CAPSL: variants seen among roughly 807,000 people sequenced by gnomAD.
CAPSL encodes the protein calcyphosin-like protein.
Under a neutral mutation model 21.3 loss-of-function variants are expected in CAPSL, and 17 were observed. That is an observed-to-expected ratio of 0.80 (90% CI 0.55 to 1.20). CAPSL has a LOEUF of 1.20. Ranked by LOEUF, CAPSL falls within the 50% of genes most tolerant of loss-of-function variation. The pLI is 0.00. For synonymous variants in CAPSL, 102 were observed against 89.3 expected, an observed-to-expected ratio of 1.14 and a Z score of -0.80; for missense variants, 289 against 259.3, an observed-to-expected ratio of 1.11 and a Z score of -0.79.
intron 1 of CAPSL, among the ~76,000 whole-genome samples, chr5:35,922,087 C>T (rs909484361): frequency 1.6e-4 from 22 of 137,870 alleles, no homozygotes; most frequent in African/African-American, 4.0e-4. Context: ...AAAAAAAAAA[C>T]GGTATTAGAA....
chr5:35,938,506 A>G (rs1457666178), intron 1 of CAPSL, 35 bp downstream of exon 1: 1 of 152,138 alleles, frequency 6.6e-6, no homozygotes, highest in African/African-American at 2.4e-5. Flanking sequence ...AAAAAAAAAC[A>G]TTAAATCATA....
At chr5:35,923,291 T>A (rs852244) in intron 1 of CAPSL, among the ~76,000 whole-genome samples, 1 of 152,132 alleles carries the variant, frequency 6.6e-6, no homozygotes, top group African/African-American at 2.4e-5. Flanking sequence ...AGCTCCTGGA[T>A]CTGGGACAGA....
chr5:35,924,624 C>T (rs1738625610), intron 1 of CAPSL, among the ~76,000 whole-genome samples: 1 of 152,184 alleles, frequency 6.6e-6, no homozygotes, highest in Non-Finnish European at 1.5e-5. Flanking sequence ...GTAAGCATCC[C>T]TTTTAATCAT....
intron 1 of CAPSL, among the ~76,000 whole-genome samples, chr5:35,924,640 C>T (rs1580892295): frequency 6.6e-6 from 1 of 152,180 alleles, no homozygotes; most frequent in Non-Finnish European, 1.5e-5. Flanking sequence ...ATCATTGAAT[C>T]ACCCAGTTCA....
At chr5:35,937,646 C>T (rs1031995820) in intron 1 of CAPSL, among the ~76,000 whole-genome samples, 36 of 152,216 alleles carry the variant, frequency 2.4e-4, no homozygotes, top group African/African-American at 8.2e-4. Flanking sequence ...TTTGCATTTA[C>T]TATCACCATA....
chr5:35,932,369 C>T (rs1738844703), intron 1 of CAPSL, among the ~76,000 whole-genome samples: 1 of 152,144 alleles, frequency 6.6e-6, no homozygotes, highest in South Asian at 2.1e-4. Context: ...AATATTCCTA[C>T]ATAATAGCCA....
At chr5:35,914,622 C>T (rs1702463093) in intron 2 of CAPSL, among the ~76,000 whole-genome samples, 2 of 151,868 alleles carry the variant, frequency 1.3e-5, no homozygotes, top group South Asian at 2.1e-4. Context: ...GGGTACATAA[C>T]GAAATGAAGG....
chr5:35,920,116 G>A (rs911018052), intron 2 of CAPSL, among the ~76,000 whole-genome samples: 1 of 152,114 alleles, frequency 6.6e-6, no homozygotes, highest in Non-Finnish European at 1.5e-5. Flanking sequence ...CTGAGACTTG[G>A]GACTGTTCAG....
chr5:35,914,015 T>A (rs545197340), intron 2 of CAPSL, among the ~76,000 whole-genome samples: 59 of 152,084 alleles, frequency 3.9e-4, no homozygotes, highest in Non-Finnish European at 7.8e-4. Context: ...TGGAGGAAGA[T>A]CTACCAAGCA....
chr5:35,904,604 C>T lies in CAPSL; in HGVS notation c.568G>A (p.Ala190Thr), dbSNP rs568452046. The change falls in exon 5 of 5, where the codon GCA (alanine) becomes ACA (threonine). Residue 190 changes from alanine (A) to threonine (T), a missense_variant. By Grantham distance (58) the Ala-to-Thr change is moderately conservative. Coordinates refer to ENST00000651391, the MANE Select transcript of CAPSL (RefSeq NM_001042625.2). The stretch of plus-strand genomic sequence containing the variant: ...AAGTACACATCAGTGTCAATGGATG[C>T]GCTCACACCTGCATAGTAGTTCATG... ...EFMNYYAGVS[A>T]SIDTDVYFII... 2.7e-5 allele frequency: 43 copies of T among 1,613,584 alleles called. No homozygotes were observed. The highest frequency in any genetic ancestry group is 1.6e-4 in the East Asian group (7 of 44,860).
intron 1 of CAPSL, among the ~76,000 whole-genome samples, chr5:35,931,532 T>C (rs1172294936): frequency 6.6e-6 from 1 of 152,114 alleles, no homozygotes; most frequent in Non-Finnish European, 1.5e-5. Context: ...TCAGGGGGCA[T>C]TCACTCTCCT....
chr5:35,938,522 G>C lies in CAPSL; in HGVS notation c.-1+19C>G, dbSNP rs1739013119. 6.6e-6 allele frequency: 1 copy of C among 152,550 alleles called. No individual in the cohort carries two copies. The highest frequency in any genetic ancestry group is 1.5e-5 in the Non-Finnish European group (1 of 67,964). The allele number at this position is 152,550 out of a possible 1,614,324, so 9.4% of individuals were successfully genotyped here. A position where few individuals can be genotyped will look rare whatever the true frequency, so the allele number is the denominator to read the frequency against. On this transcript the variant is annotated intron_variant, in intron 1 of 4. Transcript: ENST00000651391. ...AAAAAAAACATTAAATCATAGAATA[G>C]ATAAAAACATTGATTTACCTTAAAT...
chr5:35,916,809 G>A (rs1465184769), intron 2 of CAPSL, among the ~76,000 whole-genome samples: 2 of 152,142 alleles, frequency 1.3e-5, no homozygotes, highest in Non-Finnish European at 2.9e-5. Flanking sequence ...GCATGGGCAA[G>A]GACTTCATGT....
chr5:35,912,133 C>T (rs1298443717), intron 2 of CAPSL, among the ~76,000 whole-genome samples: 1 of 152,198 alleles, frequency 6.6e-6, no homozygotes, highest in Non-Finnish European at 1.5e-5. Flanking sequence ...AGTCTGAGAC[C>T]AAACTGCAAA....
At chr5:35,924,019 T>TAA (rs371516471) in intron 1 of CAPSL, among the ~76,000 whole-genome samples, 11 of 151,190 alleles carry the variant, frequency 7.3e-5, no homozygotes, top group African/African-American at 1.9e-4. Flanking sequence ...TCTGTCAATT[T>TAA]AAAAAAAAAA....
At position 35,927,689 on chromosome 5, in the gene CAPSL, A is replaced by G. The variant is rs192706592; in HGVS notation, c.1-6569T>C. On this transcript the variant is annotated intron_variant, in intron 1 of 4. Transcript: ENST00000651391. Reference sequence around the variant, plus strand: ...TCTGTACTTGGAAACTGGGTATAAGATTGAAATTTTGATTAAGACTTGGTG... The same window carrying G: ...TCTGTACTTGGAAACTGGGTATAAGGTTGAAATTTTGATTAAGACTTGGTG... Among the ~76,000 whole-genome samples the G allele has an allele frequency of 4.8e-3, 728 of 152,294 alleles. 4 individuals carry two copies. The highest frequency in any genetic ancestry group is 8.0e-3 in the Non-Finnish European group (541 of 68,022).
At chr5:35,924,014 C>CT (rs1249945097) in intron 1 of CAPSL, among the ~76,000 whole-genome samples, 1 of 137,116 alleles carries the variant, frequency 7.3e-6, no homozygotes, top group Non-Finnish European at 1.6e-5. Flanking sequence ...CTTTATCTGT[C>CT]AATTTAAAAA....
chr5:35,921,265 C>A, intron 1 of CAPSL, 145 bp from the exon 2 acceptor site: 1 of 920,640 alleles, frequency 1.1e-6, no homozygotes, highest in Non-Finnish European at 1.6e-6. Context: ...TTCTCTATGC[C>A]AACTGTGTGC....
chr5:35,911,259 A>T (rs564351558), intron 2 of CAPSL, among the ~76,000 whole-genome samples: 16 of 152,246 alleles, frequency 1.1e-4, no homozygotes, highest in African/African-American at 3.6e-4. Flanking sequence ...CTCTACAAAG[A>T]GGTTTCCTTC....
Sources: allele counts gnomAD v4.1 joint callset (sites outside exome capture counted in the v4.1 genomes callset), GRCh38; gene constraint gnomAD v4.1.1; transcripts MANE v1.5; gene names NCBI Gene and HGNC (gene_info 2026-07-23, HGNC 2026-07-21).